Variants in PLCB3 observed in about 807,000 individuals in gnomAD.
PLCB3 encodes the protein 1-phosphatidylinositol 4,5-bisphosphate phosphodiesterase beta-3.
In PLCB3, 54 loss-of-function variants were observed where a neutral mutation model predicts 152.1. The ratio of observed to expected loss-of-function variants is 0.36; its 90% CI spans 0.29 to 0.45. The LOEUF (loss-of-function observed/expected upper bound fraction) is 0.45. PLCB3 is among the 20% of genes least tolerant of loss of function. The probability of loss-of-function intolerance (pLI) is 1.00; values close to 1 mark genes in which losing one functional copy is unlikely to be tolerated. For synonymous variants in PLCB3, 717 were observed against 698.7 expected (o/e 1.03, Z -0.41); for missense variants, 1,248 against 1,687.5 (o/e 0.74, Z 4.56).
intron 13 of PLCB3, 97 bp downstream of exon 13, chr11:64,259,341 C>T: frequency 9.6e-7 from 1 of 1,044,414 alleles, no homozygotes; most frequent in Non-Finnish European, 1.3e-6. Context: ...CCAGCCCACC[C>T]TCCTGCCTCG....
chr11:64,260,338 GC>G (rs1206944998), intron 14 of PLCB3, 104 bp downstream of exon 14: 1 of 782,074 alleles, frequency 1.3e-6, no homozygotes, highest in African/African-American at 1.8e-5. Context: ...GCCTCCTGGG[GC>G]TCAGTGTGGG....
intron 14 of PLCB3, among the ~76,000 whole-genome samples, chr11:64,260,955 G>A (rs928304462): frequency 2.0e-5 from 3 of 152,044 alleles, no homozygotes; most frequent in African/African-American, 4.8e-5. Context: ...TGGGTAAAGG[G>A]TCATGATGTC....
At chr11:64,253,170 C>T (rs1233634703) in intron 1 of PLCB3, among the ~76,000 whole-genome samples, 2 of 152,216 alleles carry the variant, frequency 1.3e-5, no homozygotes, top group Admixed American at 1.3e-4. Context: ...AGAGAGTTAT[C>T]CCAGGCCCCA....
Position 64,259,077 on chromosome 11 carries a change from T to C in PLCB3, c.1358T>C (p.Leu453Pro). 1 of 1,611,962 alleles carries C rather than the reference T, an allele frequency of 6.2e-7. No individual in the cohort carries two copies. The highest frequency in any genetic ancestry group is 8.5e-7 in the Non-Finnish European group (1 of 1,179,076). Residue 453 changes from leucine (L) to proline (P), a missense_variant, in exon 13 of 31, where the codon CTG (leucine) becomes CCG (proline). Transcript: ENST00000279230. Reference sequence around the variant, plus strand: ...GCCCAGCTGGCCCCAGGCGTTCCCCTGCCCAGCCCCCAGGACCTGATGGGC... The same window carrying C: ...GCCCAGCTGGCCCCAGGCGTTCCCCCGCCCAGCCCCCAGGACCTGATGGGC... ...DKYPLAPGVP[L>P]PSPQDLMGRI...
At position 64,253,208 on chromosome 11, in the gene PLCB3, C is replaced by T. The variant is rs369929611; in HGVS notation, c.100-1207C>T. 4.1e-4 allele frequency among the ~76,000 whole-genome samples: 62 copies of T among 152,294 alleles called. No homozygotes were observed. The East Asian group carries it at 9.6e-3, about 24-fold the overall frequency. On this transcript the variant is annotated intron_variant, in intron 1 of 30. Coordinates refer to ENST00000279230, the MANE Select transcript of PLCB3 (RefSeq NM_000932.5). Reference sequence around the variant, plus strand: ...ATGGGGTGTGGCTGAGGCCAGGAGCCGGGAGCCTGGCAGAAGTCTCCGCTC... The same window carrying T: ...ATGGGGTGTGGCTGAGGCCAGGAGCTGGGAGCCTGGCAGAAGTCTCCGCTC...
chr11:64,256,278 G>A, intron 8 of PLCB3, 98 bp from the exon 9 acceptor site: 1 of 1,102,672 alleles, frequency 9.1e-7, no homozygotes, highest in Non-Finnish European at 1.3e-6. Context: ...CCAGATCCAG[G>A]GGCAGGCCTT....
intron 10 of PLCB3, 121 bp downstream of exon 10, chr11:64,256,885 GCAGGCAGGGAA>G (rs2031560622): frequency 8.8e-7 from 1 of 1,139,848 alleles, no homozygotes; most frequent in African/African-American, 1.5e-5. Flanking sequence ...TGCTGGGGAT[GCAGGCAGGGAA>G]CAGGCAGCCA....
Position 64,261,588 on chromosome 11 carries a change from C to T in PLCB3, c.1836C>T (p.Asn612=). The T allele has an allele frequency of 1.9e-6, 3 of 1,614,158 alleles. No homozygotes were observed. The highest frequency in any genetic ancestry group is 2.2e-5 in the East Asian group (1 of 44,888). ...FKSFEAARKR[N]KCFEMSSFVE... ...TCTTGGCTCACCCCTAAGAGAGGAA[C>T]AAATGCTTCGAGATGTCGTCCTTTG... The change falls in exon 16 of 31, where the codon AAC becomes AAT. Residue 612 remains asparagine, a synonymous_variant. Coordinates refer to ENST00000279230, the MANE Select transcript of PLCB3 (RefSeq NM_000932.5).
intron 1 of PLCB3, among the ~76,000 whole-genome samples, chr11:64,254,094 C>G (rs914036380): frequency 3.9e-5 from 6 of 152,064 alleles, no homozygotes; most frequent in African/African-American, 1.4e-4. Context: ...GGTCAGATTT[C>G]ACGGGTGGAG....
In PLCB3 at chr11:64,267,375, A is replaced by G; in HGVS notation, c.3524A>G (p.Glu1175Gly). The change falls in exon 31 of 31, where the codon GAG (glutamate) becomes GGG (glycine). Residue 1175 changes from glutamate (E) to glycine (G), a missense_variant. By Grantham distance (98) the Glu-to-Gly change is moderately conservative. This residue lies in a region of PLCB3 where 477 missense variants were observed against 489.6 expected (regional missense o/e 0.97). Transcript: ENST00000279230. The surrounding 1 kb of genome is among the most constrained non-coding windows in gnomAD (Gnocchi z 5.2). ...EPKLLAQLAQECQEQRARLPQ... is the reference protein window; with the variant it reads ...EPKLLAQLAQGCQEQRARLPQ... Reference sequence around the variant, plus strand: ...CAGCTGCTGGCCCAGCTGGCCCAGGAGTGTCAGGAGCAGCGGGCGAGGCTC... The same window carrying G: ...CAGCTGCTGGCCCAGCTGGCCCAGGGGTGTCAGGAGCAGCGGGCGAGGCTC... 6.5e-7 allele frequency: 1 copy of G among 1,546,120 alleles called. No homozygotes were observed. Among genetic ancestry groups the G allele is most frequent in the Non-Finnish European group, 8.7e-7 (1 of 1,143,844 alleles).
Position 64,266,262 on chromosome 11 carries a change from A to G in PLCB3, c.3267-53A>G. On this transcript the variant is annotated intron_variant, in intron 27 of 30. Coordinates refer to ENST00000279230, the MANE Select transcript of PLCB3 (RefSeq NM_000932.5). This position sits in a 1 kb window ranked among gnomAD's most constrained non-coding sequence, Gnocchi z 4.9. The stretch of plus-strand genomic sequence containing the variant: ...GGACTTCTAGTACCAGAAGGAGGGC[A>G]GAGTCTGTGCTTCTGCCGCTGACCC... 2.5e-6 allele frequency: 4 copies of G among 1,613,866 alleles called. No individual in the cohort carries two copies. The highest frequency in any genetic ancestry group is 3.4e-6 in the Non-Finnish European group (4 of 1,179,940).
In PLCB3 at chr11:64,265,868, G is replaced by A. The variant is rs767425237; in HGVS notation, c.3036-18G>A. ...ATGTGACGGGCCCAGGCATCACCCA[G>A]AGGGGTTCTCCTCGCAGAGGTGGGG... On this transcript the variant is annotated intron_variant, in intron 25 of 30. Coordinates refer to ENST00000279230, the MANE Select transcript of PLCB3 (RefSeq NM_000932.5). The A allele has an allele frequency of 4.3e-6, 7 of 1,610,800 alleles. No individual in the cohort carries two copies. The Admixed American group carries it at 1.0e-4, about 23-fold the overall frequency.
chr11:64,254,131 G>A (rs1338765647), intron 1 of PLCB3, among the ~76,000 whole-genome samples: 1 of 152,126 alleles, frequency 6.6e-6, no homozygotes, highest in Non-Finnish European at 1.5e-5. Context: ...TCCTGGCAAA[G>A]GGAACATGAG....
Position 64,266,385 on chromosome 11 carries a change from G to A in PLCB3, c.3337G>A (p.Asp1113Asn). The change falls in exon 28 of 31, where the codon GAC (aspartate) becomes AAC (asparagine). Residue 1113 changes from aspartate to asparagine, a missense_variant. Around this residue, in one of 6 missense-constraint regions of PLCB3, gnomAD observed 477 missense variants for 489.6 expected, o/e 0.97. Coordinates refer to ENST00000279230, the MANE Select transcript of PLCB3 (RefSeq NM_000932.5). This position sits in a 1 kb window ranked among gnomAD's most constrained non-coding sequence, Gnocchi z 4.9. ...HNSISEAKMR[D>N]KHKKEAELTE... Reference sequence around the variant, plus strand: ...CAGCATCTCGGAGGCCAAGATGAGGGACAAGCATAAGAAGGAGGCGTAAGG... The same window carrying A: ...CAGCATCTCGGAGGCCAAGATGAGGAACAAGCATAAGAAGGAGGCGTAAGG... 1 of 1,608,968 alleles carries A rather than the reference G, an allele frequency of 6.2e-7. No individual in the cohort carries two copies. Among genetic ancestry groups the A allele is most frequent in the South Asian group, 1.1e-5 (1 of 90,944 alleles).
intron 14 of PLCB3, among the ~76,000 whole-genome samples, chr11:64,261,046 G>A (rs1166770804): frequency 6.6e-6 from 1 of 152,202 alleles, no homozygotes; most frequent in Non-Finnish European, 1.5e-5. Context: ...GCTCATGCCT[G>A]TAATCCCAGC....
At chr11:64,256,832 TG>T in intron 10 of PLCB3, 68 bp downstream of exon 10, 1 of 1,526,800 alleles carries the variant, frequency 6.5e-7, no homozygotes, top group African/African-American at 1.4e-5. Context: ...CCACTCCTCC[TG>T]GGGCACAGTC....
chr11:64,252,703 CCGGGGGA>C (rs772787520), intron 1 of PLCB3, among the ~76,000 whole-genome samples: 10 of 151,998 alleles, frequency 6.6e-5, no homozygotes, highest in Non-Finnish European at 1.3e-4. Flanking sequence ...GCCCCAGGGG[CCGGGGGA>C]GACCCCTCCC....
rs183297245 is a variant in PLCB3 at position 64,254,831 on chromosome 11, T to A, written c.246+15T>A. 6.2e-7 allele frequency: 1 copy of A among 1,613,880 alleles called. No individual in the cohort carries two copies. The highest frequency in any genetic ancestry group is 1.1e-5 in the South Asian group (1 of 91,086). Reference sequence around the variant, plus strand: ...GCCTGCCCAAGGTGAGTGATGAGCCTGGGAGTGAAGACCACAGCGAGGCTG... The same window carrying A: ...GCCTGCCCAAGGTGAGTGATGAGCCAGGGAGTGAAGACCACAGCGAGGCTG... On this transcript the variant is annotated intron_variant, in intron 3 of 30. Transcript: ENST00000279230.
At chr11:64,257,439 C>T (rs1756104759) in intron 10 of PLCB3, among the ~76,000 whole-genome samples, 1 of 151,982 alleles carries the variant, frequency 6.6e-6, no homozygotes, top group Non-Finnish European at 1.5e-5. Context: ...CATAGCATGA[C>T]CCCATCTCTA....
Sources: allele counts gnomAD v4.1 joint callset (sites outside exome capture counted in the v4.1 genomes callset), GRCh38; gene constraint gnomAD v4.1.1; regional missense constraint gnomAD v4.1.1; non-coding constraint Gnocchi (gnomAD v3.1); transcripts MANE v1.5; gene names NCBI Gene and HGNC (gene_info 2026-07-23, HGNC 2026-07-21).